The following FHIT variants were observed in gnomAD, a reference collection of about 807,000 sequenced individuals.
FHIT encodes bis(5'-adenosyl)-triphosphatase.
FHIT carries 19 observed loss-of-function variants against 17.9 expected under a neutral mutation model. The ratio of observed to expected loss-of-function variants is 1.06; its 90% CI spans 0.74 to 1.56. FHIT has a LOEUF of 1.56. FHIT is among the 40% of genes most tolerant of loss of function. The probability of loss-of-function intolerance (pLI) is 0.00; values close to 1 mark genes in which losing one functional copy is unlikely to be tolerated. For synonymous variants in FHIT, 81 were observed against 69.7 expected (o/e 1.16, Z -0.81); for missense variants, 248 against 189.2 (o/e 1.31, Z -1.82).
At chr3:59,894,632 T>C (rs1019843249) in intron 8 of FHIT, among the ~76,000 whole-genome samples, 3 of 152,140 alleles carry the variant, frequency 2.0e-5, no homozygotes, top group African/African-American at 7.2e-5. Context: ...ACCACCAAGA[T>C]GTGATGTGTT....
At chr3:60,478,147 C>T (rs1490374949) in intron 5 of FHIT, among the ~76,000 whole-genome samples, 1 of 152,192 alleles carries the variant, frequency 6.6e-6, no homozygotes, top group African/African-American at 2.4e-5. Flanking sequence ...CCCTATTTCA[C>T]TACCAAACAT....
intron 4 of FHIT, among the ~76,000 whole-genome samples, chr3:60,715,832 G>T (rs2041669488): frequency 6.6e-6 from 1 of 152,054 alleles, no homozygotes. Flanking sequence ...TTAACATAGT[G>T]AAAAAGAAAA....
intron 4 of FHIT, among the ~76,000 whole-genome samples, chr3:60,662,118 G>T (rs1553691294): frequency 1.3e-5 from 2 of 152,140 alleles, no homozygotes; most frequent in African/African-American, 4.8e-5. Context: ...CTTTGCCTAA[G>T]CCAATATCTA....
At chr3:60,491,851 C>A (rs58193588) in intron 5 of FHIT, among the ~76,000 whole-genome samples, 2,222 of 152,026 alleles carry the variant, frequency 0.015, 49 homozygotes, top group African/African-American at 0.051. Context: ...AACAGAAACA[C>A]AATGAAATGT....
chr3:60,463,279 T>C lies in FHIT; in HGVS notation c.103+73581A>G, dbSNP rs1462114159. Reference sequence around the variant, plus strand: ...TTTCTTGTCTCTTGGGAATCAGCTTTGGTTTTCTGAAGAAATAGTTCACAA... The same window carrying C: ...TTTCTTGTCTCTTGGGAATCAGCTTCGGTTTTCTGAAGAAATAGTTCACAA... On this transcript the variant is annotated intron_variant, in intron 5 of 9. Transcript: ENST00000492590. 3.9e-5 allele frequency among the ~76,000 whole-genome samples: 6 copies of C among 152,350 alleles called. No homozygotes were observed. In the East Asian group the frequency reaches 9.6e-4, roughly 24 times the overall value.
In FHIT at chr3:61,188,259, G is replaced by A. The variant is rs532115498; in HGVS notation, c.-164+12358C>T. ...AAATGATAAAGGGGATATCACCACC[G>A]ATCCCACGGAAATACAAACTACCAT... On this transcript the variant is annotated intron_variant, in intron 2 of 9. Coordinates refer to ENST00000492590, the MANE Select transcript of FHIT (RefSeq NM_002012.4). Among the ~76,000 whole-genome samples, 14 of 152,230 alleles carry A rather than the reference G, an allele frequency of 9.2e-5. No individual in the cohort carries two copies. The East Asian group carries it at 2.1e-3, about 23-fold the overall frequency.
chr3:60,867,370 T>G (rs2107041002), intron 3 of FHIT, among the ~76,000 whole-genome samples: 1 of 152,280 alleles, frequency 6.6e-6, no homozygotes, highest in East Asian at 1.9e-4. Flanking sequence ...CATACATGCT[T>G]AAGTAGACAT....
At chr3:59,916,955 G>A (rs922701977) in intron 8 of FHIT, among the ~76,000 whole-genome samples, 3 of 152,152 alleles carry the variant, frequency 2.0e-5, no homozygotes, top group East Asian at 1.9e-4. Flanking sequence ...AAACCCAGAA[G>A]ACAAAAAGCT....
chr3:60,923,508 C>A (rs1414445130), intron 3 of FHIT, among the ~76,000 whole-genome samples: 1 of 152,154 alleles, frequency 6.6e-6, no homozygotes, highest in Non-Finnish European at 1.5e-5. Context: ...CTAATTGATA[C>A]CTTATTCATT....
chr3:60,371,843 T>G (rs1020503082), intron 5 of FHIT, among the ~76,000 whole-genome samples: 2 of 2,732 alleles, frequency 7.3e-4, no homozygotes, highest in Non-Finnish European at 5.5e-4. Context: ...TTTTGTGGGG[T>G]TTTTTTTTTT....
Position 60,526,137 on chromosome 3 carries a change from T to TACACACACACACACAC in FHIT, c.103+10707_103+10722dup, listed in dbSNP as rs59137290. 5.6e-3 allele frequency among the ~76,000 whole-genome samples: 826 copies of TACACACACACACACAC among 148,142 alleles called. 15 individuals are homozygous for TACACACACACACACAC. Among genetic ancestry groups the TACACACACACACACAC allele is most frequent in the South Asian group, 0.031 (143 of 4,564 alleles). ...AACACAAAATGAAACACACAACACATACACACACACACACACACACACACA... is the reference window on the plus strand; with the variant it reads ...AACACAAAATGAAACACACAACACATACACACACACACACACACACACACACACACACACACACACA... On this transcript the variant is annotated intron_variant, in intron 5 of 9. Transcript: ENST00000492590.
At chr3:59,790,964 T>C (rs1315235141) in intron 8 of FHIT, among the ~76,000 whole-genome samples, 1 of 152,192 alleles carries the variant, frequency 6.6e-6, no homozygotes, top group Non-Finnish European at 1.5e-5. Context: ...TTGTTGAACT[T>C]CTATTCACCC....
intron 8 of FHIT, among the ~76,000 whole-genome samples, chr3:59,878,731 C>CT (rs1466899752): frequency 2.0e-5 from 3 of 152,140 alleles, no homozygotes; most frequent in Admixed American, 1.3e-4. Context: ...GATGGGCCAC[C>CT]TCATAGTTAT....
chr3:59,857,712 T>TTTTTTTTG (rs980469044), intron 8 of FHIT, among the ~76,000 whole-genome samples: 1 of 149,550 alleles, frequency 6.7e-6, no homozygotes, highest in African/African-American at 2.5e-5. Context: ...TGGGTTTTTT[T>TTTTTTTTG]TTTTTTTTTT....
At chr3:60,147,976 G>C (rs1412599916) in intron 5 of FHIT, among the ~76,000 whole-genome samples, 1 of 152,146 alleles carries the variant, frequency 6.6e-6, no homozygotes, top group East Asian at 1.9e-4. Context: ...ATTTTCACTG[G>C]TGAAGGGGTT....
In FHIT at chr3:60,288,566, A is replaced by AGTGTGTGTGTGTGTGTGTGT. The variant is rs139336094; in HGVS notation, c.103+248274_103+248293dup. On this transcript the variant is annotated intron_variant, in intron 5 of 9. Coordinates refer to ENST00000492590, the MANE Select transcript of FHIT (RefSeq NM_002012.4). ...CATTCTGTTTTCTAGGTTCTGGCAC[A>AGTGTGTGTGTGTGTGTGTGT]GTGTGTGTGTGTGTGTGTGTGTGTG... Among the ~76,000 whole-genome samples, 294 of 144,658 alleles carry AGTGTGTGTGTGTGTGTGTGT rather than the reference A, an allele frequency of 2.0e-3. 3 individuals are homozygous for AGTGTGTGTGTGTGTGTGTGT. Among genetic ancestry groups the AGTGTGTGTGTGTGTGTGTGT allele is most frequent in the Middle Eastern group, 7.1e-3 (2 of 282 alleles). The allele number at this position is 144,658 out of a possible 152,430, so 94.9% of individuals were successfully genotyped here.
At chr3:60,333,846 G>T (rs1576491591) in intron 5 of FHIT, among the ~76,000 whole-genome samples, 1 of 152,160 alleles carries the variant, frequency 6.6e-6, no homozygotes, top group East Asian at 1.9e-4. Flanking sequence ...CCAGATTACT[G>T]TATTTGGACA....
intron 8 of FHIT, among the ~76,000 whole-genome samples, chr3:59,812,746 T>C (rs1700452887): frequency 6.6e-6 from 1 of 152,206 alleles, no homozygotes; most frequent in South Asian, 2.1e-4. Context: ...TAAATAAAAT[T>C]TGCAACCGAG....
chr3:60,831,904 A>G (rs567130490), intron 3 of FHIT, among the ~76,000 whole-genome samples: 2 of 152,146 alleles, frequency 1.3e-5, no homozygotes, highest in East Asian at 3.9e-4. Flanking sequence ...GCTAAGATTT[A>G]TGAGACATGA....
Sources: allele counts gnomAD v4.1 joint callset (sites outside exome capture counted in the v4.1 genomes callset), GRCh38; gene constraint gnomAD v4.1.1; transcripts MANE v1.5; gene names NCBI Gene and HGNC (gene_info 2026-07-23, HGNC 2026-07-21).